Variants in SLC71A2 observed in about 807,000 individuals in gnomAD.
SLC71A2 encodes solute carrier family 71 member 2.
chr9:94,407,626 C>G, the SLC71A2 span, among the ~76,000 whole-genome samples: 1,216 of 152,234 alleles, frequency 8.0e-3, 18 homozygotes, highest in African/African-American at 0.028. Flanking sequence ...ATCCACCCGC[C>G]TCGGCCTCCC....
the SLC71A2 span, among the ~76,000 whole-genome samples, chr9:94,401,060 T>G: frequency 5.3e-5 from 8 of 152,160 alleles, no homozygotes; most frequent in Admixed American, 4.6e-4. Context: ...AAAATGACAG[T>G]GACACATAAT....
the SLC71A2 span, among the ~76,000 whole-genome samples, chr9:94,425,072 T>G: frequency 6.6e-6 from 1 of 151,600 alleles, no homozygotes; most frequent in African/African-American, 2.4e-5. Flanking sequence ...TCTGCAACAG[T>G]TTTTACTGTG....
At chr9:94,435,650 C>CTTTTTTT in the SLC71A2 span, among the ~76,000 whole-genome samples, 13 of 48,406 alleles carry the variant, frequency 2.7e-4, no homozygotes, top group East Asian at 5.0e-4. Context: ...TTTCCTTCTT[C>CTTTTTTT]TTTTTTTTTT....
At chr9:94,456,426 C>A in the SLC71A2 span, 1 of 981,468 alleles carries the variant, frequency 1.0e-6, no homozygotes, top group African/African-American at 1.6e-5. Context: ...TCCCCATCAA[C>A]AGCAGGAGCC....
the SLC71A2 span, among the ~76,000 whole-genome samples, chr9:94,388,426 A>G: frequency 2.6e-5 from 4 of 152,222 alleles, no homozygotes; most frequent in Non-Finnish European, 5.9e-5. Context: ...GTAAGGCACT[A>G]TTGGGACAAG....
the SLC71A2 span, among the ~76,000 whole-genome samples, chr9:94,417,834 T>A: frequency 7.0e-6 from 1 of 143,804 alleles, no homozygotes; most frequent in Non-Finnish European, 1.5e-5. Context: ...TTTGAGACTC[T>A]CCTTATAGGC....
the SLC71A2 span, chr9:94,460,724 T>C: frequency 6.6e-6 from 1 of 152,530 alleles, no homozygotes; most frequent in African/African-American, 2.4e-5. Context: ...CTTGTATTTA[T>C]AAATGTAATG....
At chr9:94,418,002 T>C in the SLC71A2 span, among the ~76,000 whole-genome samples, 1 of 151,100 alleles carries the variant, frequency 6.6e-6, no homozygotes, top group East Asian at 2.0e-4. Context: ...AATTACAGGC[T>C]TGTGCCACCA....
At chr9:94,399,894 C>T in the SLC71A2 span, among the ~76,000 whole-genome samples, 1 of 151,672 alleles carries the variant, frequency 6.6e-6, no homozygotes, top group Non-Finnish European at 1.5e-5. Flanking sequence ...CAACCTCTGC[C>T]TCCTGGGTTC....
chr9:94,396,811 C>T, the SLC71A2 span, among the ~76,000 whole-genome samples: 1 of 152,150 alleles, frequency 6.6e-6, no homozygotes, highest in Admixed American at 6.6e-5. Flanking sequence ...GCTCTTCTTG[C>T]CCAGGCTGGA....
the SLC71A2 span, among the ~76,000 whole-genome samples, chr9:94,403,133 C>T: frequency 6.6e-5 from 10 of 152,070 alleles, 1 homozygote; most frequent in South Asian, 1.5e-3. Context: ...GTGACTGGCT[C>T]CTTTCCTTTC....
At chr9:94,380,076 G>A in the SLC71A2 span, among the ~76,000 whole-genome samples, 4 of 152,180 alleles carry the variant, frequency 2.6e-5, no homozygotes, top group African/African-American at 9.7e-5. Flanking sequence ...GACCATCCTG[G>A]CTGACGCGGT....
chr9:94,455,182 G>GTTTT, the SLC71A2 span, among the ~76,000 whole-genome samples: 1 of 11,706 alleles, frequency 8.5e-5, no homozygotes, highest in African/African-American at 6.8e-4. Flanking sequence ...TTTTTTTTTT[G>GTTTT]AGAGAGAGAG....
chr9:94,397,088 T>G, the SLC71A2 span, among the ~76,000 whole-genome samples: 1 of 152,190 alleles, frequency 6.6e-6, no homozygotes, highest in Non-Finnish European at 1.5e-5. Flanking sequence ...TTAATAGTAC[T>G]AATTTTTCCT....
At chr9:94,429,909 ATT>A in the SLC71A2 span, among the ~76,000 whole-genome samples, 2 of 141,882 alleles carry the variant, frequency 1.4e-5, no homozygotes, top group Non-Finnish European at 3.1e-5. Flanking sequence ...TCTTTATTTT[ATT>A]TTTTTTTTTT....
chr9:94,430,576 A>G, the SLC71A2 span, among the ~76,000 whole-genome samples: 1 of 152,194 alleles, frequency 6.6e-6, no homozygotes, highest in Non-Finnish European at 1.5e-5. Context: ...GTAACACTCT[A>G]TCACTGAAAA....
the SLC71A2 span, chr9:94,445,203 A>AT: frequency 6.4e-7 from 1 of 1,551,484 alleles, no homozygotes; most frequent in Non-Finnish European, 8.8e-7. Context: ...ATATGGAAAT[A>AT]TTTACTTTCC....
chr9:94,455,755 T>G, the SLC71A2 span, among the ~76,000 whole-genome samples: 2 of 152,198 alleles, frequency 1.3e-5, no homozygotes, highest in South Asian at 4.1e-4. Flanking sequence ...GACAAAGGTC[T>G]AAAGAGGAAG....
At chr9:94,455,923 TCTC>T in the SLC71A2 span, among the ~76,000 whole-genome samples, 1 of 151,916 alleles carries the variant, frequency 6.6e-6, no homozygotes, top group Middle Eastern at 3.4e-3. Flanking sequence ...ACAAAAGAAA[TCTC>T]CTTGCGAACT....
Sources: gnomAD v4.1 joint callset for allele counts (sites outside exome capture counted in the v4.1 genomes callset) on GRCh38, gnomAD v4.1.1 for gene constraint, MANE v1.5 for transcripts, NCBI Gene and HGNC (gene_info 2026-07-23, HGNC 2026-07-21) for gene names.